The following ZSCAN30 variants were observed in gnomAD, a reference collection of about 807,000 sequenced individuals.
ZSCAN30 encodes the protein zinc finger and SCAN domain-containing protein 30.
ZSCAN30 carries 37 observed loss-of-function variants against 44.3 expected under a neutral mutation model. The ratio of observed to expected loss-of-function variants is 0.84; its 90% CI spans 0.64 to 1.10. ZSCAN30 has a LOEUF of 1.10. Among genes scored for constraint, ZSCAN30 ranks in the 50% least tolerant of loss-of-function variants. The pLI, the probability that ZSCAN30 is intolerant of heterozygous loss-of-function variation, is 0.00. For missense variants in ZSCAN30, 549 were observed against 582.6 expected, an observed-to-expected ratio of 0.94 and a Z score of 0.59; for synonymous variants, 181 against 204.6, an observed-to-expected ratio of 0.88 and a Z score of 0.98.
At chr18:35,277,699 T>C (rs1427303426) in intron 1 of ZSCAN30, among the ~76,000 whole-genome samples, 1 of 152,186 alleles carries the variant, frequency 6.6e-6, no homozygotes, top group Non-Finnish European at 1.5e-5. Flanking sequence ...GTCTCAGGTA[T>C]GTCTTTATTG....
chr18:35,286,665 G>A (rs1363804629), intron 1 of ZSCAN30, among the ~76,000 whole-genome samples: 1 of 151,910 alleles, frequency 6.6e-6, no homozygotes, highest in Non-Finnish European at 1.5e-5. Flanking sequence ...CTAACATCAT[G>A]CTTAACAGAG....
chr18:35,264,971 C>T (rs545134026), intron 1 of ZSCAN30, among the ~76,000 whole-genome samples: 2 of 151,986 alleles, frequency 1.3e-5, no homozygotes, highest in South Asian at 4.2e-4. Context: ...ATGGTGAAAC[C>T]CCATCTCTAC....
At chr18:35,285,718 G>A (rs1191023514) in intron 1 of ZSCAN30, among the ~76,000 whole-genome samples, 3 of 151,802 alleles carry the variant, frequency 2.0e-5, no homozygotes, top group South Asian at 2.1e-4. Flanking sequence ...AGTACTTAGG[G>A]GAAAATTTAT....
intron 1 of ZSCAN30, chr18:35,269,888 C>T (rs2044236337): frequency 6.6e-6 from 1 of 151,434 alleles, no homozygotes; most frequent in African/African-American, 2.4e-5. Flanking sequence ...TGTAAAAAGT[C>T]CATAAGGTTT....
chr18:35,270,544 T>A (rs986259617), intron 1 of ZSCAN30, among the ~76,000 whole-genome samples: 1 of 152,252 alleles, frequency 6.6e-6, no homozygotes, highest in Non-Finnish European at 1.5e-5. Context: ...TTGGATTTTT[T>A]AATTCAGAAT....
chr18:35,282,050 GAAGGTCTAA>G (rs2044465348), intron 1 of ZSCAN30: 1 of 152,146 alleles, frequency 6.6e-6, no homozygotes, highest in South Asian at 2.1e-4. Flanking sequence ...CAGTAGTCTT[GAAGGTCTAA>G]AAGTCTAGTT....
chr18:35,254,554 C>T (rs996154426), intron 3 of ZSCAN30, 173 bp from the exon 4 acceptor site: 7 of 1,188,520 alleles, frequency 5.9e-6, no homozygotes, highest in Non-Finnish European at 8.3e-6. Context: ...CCAAATATGG[C>T]CCCCTTGGAG....
chr18:35,260,187 G>C (rs1355601403), intron 3 of ZSCAN30: 3 of 152,202 alleles, frequency 2.0e-5, no homozygotes, highest in African/African-American at 7.2e-5. Flanking sequence ...CAAAGGACAT[G>C]AACTCATTCC....
At chr18:35,284,489 G>C (rs893000157) in intron 1 of ZSCAN30, 2 of 154,976 alleles carry the variant, frequency 1.3e-5, no homozygotes, top group African/African-American at 4.8e-5. Flanking sequence ...ATGTTTGTCA[G>C]CACCCAAAGT....
intron 1 of ZSCAN30, among the ~76,000 whole-genome samples, chr18:35,278,761 C>T (rs1446158247): frequency 6.6e-6 from 1 of 152,174 alleles, no homozygotes; most frequent in Non-Finnish European, 1.5e-5. Flanking sequence ...TTGGAAATAT[C>T]CTCAGCTAAA....
At chr18:35,271,199 C>T (rs1234363265) in intron 1 of ZSCAN30, among the ~76,000 whole-genome samples, 1 of 152,184 alleles carries the variant, frequency 6.6e-6, no homozygotes, top group Non-Finnish European at 1.5e-5. Context: ...GGGCAGCCGG[C>T]TTTTATTCCC....
Position 35,251,471 on chromosome 18 carries a change from T to G in ZSCAN30, c.*1979A>C, listed in dbSNP as rs1480543799. 6.6e-6 allele frequency: 1 copy of G among 152,090 alleles called. No homozygotes were observed. The highest frequency in any genetic ancestry group is 2.4e-5 in the African/African-American group (1 of 41,388). The allele number at this position is 152,090 out of a possible 1,614,324, so 9.4% of individuals were successfully genotyped here. Reference sequence around the variant, plus strand: ...CTCTGGACACAAAGAGGCCGAATTGTCCCCCCAATTTCACCTCCCCTATTA... The same window carrying G: ...CTCTGGACACAAAGAGGCCGAATTGGCCCCCCAATTTCACCTCCCCTATTA... On this transcript the variant is annotated 3_prime_UTR_variant, in exon 4 of 4. Coordinates refer to ENST00000333206, the MANE Select transcript of ZSCAN30 (RefSeq NM_001112734.4).
At chr18:35,272,033 G>A (rs962882597) in intron 1 of ZSCAN30, among the ~76,000 whole-genome samples, 1 of 152,216 alleles carries the variant, frequency 6.6e-6, no homozygotes, top group East Asian at 1.9e-4. Flanking sequence ...GCAAGCAGAG[G>A]GAGCCAGCTC....
chr18:35,258,828 C>T (rs1383259210), intron 3 of ZSCAN30: 1 of 129,602 alleles, frequency 7.7e-6, no homozygotes, highest in African/African-American at 3.0e-5. Flanking sequence ...CAAGATCACA[C>T]CACTGCACTC....
chr18:35,277,697 T>C (rs1192916993), intron 1 of ZSCAN30, among the ~76,000 whole-genome samples: 1 of 152,138 alleles, frequency 6.6e-6, no homozygotes, highest in Non-Finnish European at 1.5e-5. Flanking sequence ...CAGTCTCAGG[T>C]ATGTCTTTAT....
chr18:35,255,290 T>C (rs1292048606), intron 3 of ZSCAN30, among the ~76,000 whole-genome samples: 1 of 151,558 alleles, frequency 6.6e-6, no homozygotes, highest in Admixed American at 6.6e-5. Context: ...ATGGGGCATA[T>C]TATGTCAGCC....
At chr18:35,256,760 T>G (rs146344970) in intron 3 of ZSCAN30, among the ~76,000 whole-genome samples, 1 of 151,536 alleles carries the variant, frequency 6.6e-6, no homozygotes, top group African/African-American at 2.4e-5. Context: ...CTCTTCTGTT[T>G]TTGTTGTTGT....
intron 1 of ZSCAN30, chr18:35,266,875 C>G (rs530198917): frequency 1.3e-5 from 2 of 152,108 alleles, no homozygotes; most frequent in Admixed American, 1.3e-4. Context: ...ACTGTGTTAG[C>G]CAGGATGGTC....
intron 3 of ZSCAN30, chr18:35,261,884 T>C (rs1176137215): frequency 3.3e-5 from 5 of 152,182 alleles, no homozygotes; most frequent in Non-Finnish European, 5.9e-5. Context: ...AAACCCGTTT[T>C]AATGTAGCAC....
Sources: allele counts gnomAD v4.1 joint callset (sites outside exome capture counted in the v4.1 genomes callset), GRCh38; gene constraint gnomAD v4.1.1; transcripts MANE v1.5; gene names NCBI Gene and HGNC (gene_info 2026-07-23, HGNC 2026-07-21).